The following CNBD1 variants were observed in gnomAD, a reference collection of about 807,000 sequenced individuals.
CNBD1 encodes cyclic nucleotide-binding domain-containing protein 1.
CNBD1 carries 71 observed loss-of-function variants against 54.4 expected under a neutral mutation model. That is an observed-to-expected ratio of 1.30 (90% CI 1.08 to 1.59). The LOEUF (loss-of-function observed/expected upper bound fraction) is 1.59. Ranked by LOEUF, CNBD1 falls within the 40% of genes most tolerant of loss-of-function variation. The pLI, the probability that CNBD1 is intolerant of heterozygous loss-of-function variation, is 0.00. For synonymous variants in CNBD1, 182 were observed against 170.7 expected (o/e 1.07, Z -0.51); for missense variants, 659 against 518.0 (o/e 1.27, Z -2.64).
chr8:87,206,308 C>T (rs1266694509), intron 5 of CNBD1, among the ~76,000 whole-genome samples, 170 bp downstream of exon 5: 1 of 152,118 alleles, frequency 6.6e-6, no homozygotes, highest in Non-Finnish European at 1.5e-5. Flanking sequence ...AAATGAATAA[C>T]ATCTCACATT....
intron 6 of CNBD1, among the ~76,000 whole-genome samples, chr8:87,238,131 C>T (rs1273739936): frequency 6.7e-6 from 1 of 148,340 alleles, no homozygotes; most frequent in Non-Finnish European, 1.5e-5. Flanking sequence ...ACCAGATCTG[C>T]ATTCTGCTTT....
chr8:86,955,456 A>G (rs1432102972), intron 4 of CNBD1, among the ~76,000 whole-genome samples: 2 of 152,210 alleles, frequency 1.3e-5, no homozygotes, highest in East Asian at 3.9e-4. Flanking sequence ...CCAACAGTGT[A>G]AAAGTGTTCC....
intron 8 of CNBD1, among the ~76,000 whole-genome samples, chr8:87,337,711 G>C (rs1563559170): frequency 6.6e-6 from 1 of 152,212 alleles, no homozygotes; most frequent in Non-Finnish European, 1.5e-5. Context: ...GGCTGGGGGT[G>C]GGGGCTCTCA....
intron 4 of CNBD1, among the ~76,000 whole-genome samples, chr8:87,130,423 G>T (rs576369430): frequency 6.6e-6 from 1 of 152,180 alleles, no homozygotes; most frequent in African/African-American, 2.4e-5. Flanking sequence ...AAGTCATAGT[G>T]GATAATAATG....
intron 10 of CNBD1, among the ~76,000 whole-genome samples, chr8:87,366,503 G>A (rs947289375): frequency 2.5e-4 from 38 of 151,968 alleles, no homozygotes; most frequent in African/African-American, 8.7e-4. Flanking sequence ...AAAACTCTTT[G>A]TGTTTAAACA....
At chr8:87,407,774 T>C (rs1807675204) in intron 2 of CNBD1, among the ~76,000 whole-genome samples, 2 of 152,158 alleles carry the variant, frequency 1.3e-5, no homozygotes, top group East Asian at 3.9e-4. Flanking sequence ...TTAAAATACA[T>C]GTATTTGTAT....
intron 4 of CNBD1, among the ~76,000 whole-genome samples, chr8:87,051,016 T>C (rs1054640959): frequency 6.6e-6 from 1 of 152,182 alleles, no homozygotes; most frequent in Non-Finnish European, 1.5e-5. Flanking sequence ...TTAATATTGG[T>C]TTCCACTAAG....
At chr8:87,142,691 AT>A (rs1323066067) in intron 4 of CNBD1, among the ~76,000 whole-genome samples, 13 of 152,128 alleles carry the variant, frequency 8.5e-5, no homozygotes, top group African/African-American at 3.1e-4. Context: ...TCAGTTTGTG[AT>A]ATCTTACTTT....
intron 4 of CNBD1, among the ~76,000 whole-genome samples, chr8:87,101,676 G>A (rs1225173942): frequency 6.6e-6 from 1 of 152,002 alleles, no homozygotes; most frequent in Non-Finnish European, 1.5e-5. Flanking sequence ...GACAACTGCA[G>A]AATTGACAGT....
chr8:87,278,591 A>G (rs918060677), intron 6 of CNBD1, among the ~76,000 whole-genome samples: 4 of 151,592 alleles, frequency 2.6e-5, no homozygotes, highest in Non-Finnish European at 4.4e-5. Context: ...AGGCAAAATA[A>G]CGTTGTATTC....
At chr8:87,229,030 C>A (rs1322170444) in intron 5 of CNBD1, among the ~76,000 whole-genome samples, 1 of 152,202 alleles carries the variant, frequency 6.6e-6, no homozygotes, top group Non-Finnish European at 1.5e-5. Context: ...GGTCCCTCAC[C>A]CCTTTCTTTG....
At position 86,880,340 on chromosome 8, in the gene CNBD1, T is replaced by TAA. The variant is rs144555916; in HGVS notation, c.89-7194_89-7193dup. ...TTGGGATCGAACATATTAGAAAAAA[T>TAA]AAAAAAAAACGTAATACTACAATAA... On this transcript the variant is annotated intron_variant, in intron 1 of 10. Coordinates refer to ENST00000518476, the MANE Select transcript of CNBD1 (RefSeq NM_173538.3). Among the ~76,000 whole-genome samples, 1,179 of 150,262 alleles carry TAA rather than the reference T, an allele frequency of 7.8e-3. 18 individuals carry two copies. The highest frequency in any genetic ancestry group is 0.027 in the African/African-American group (1,090 of 40,838).
chr8:87,248,759 C>G lies in CNBD1; in HGVS notation c.771+11647C>G, dbSNP rs968469363. On this transcript the variant is annotated intron_variant, in intron 6 of 10. Transcript: ENST00000518476. ...TTGATGTCCCCTCATTGGGTCTTTC[C>G]CCCTTTTCAAAGAAATCTTCCAGTG... Among the ~76,000 whole-genome samples, 33 of 152,122 alleles carry G rather than the reference C, an allele frequency of 2.2e-4. 1 individual carries two copies. Among genetic ancestry groups the G allele is most frequent in the Non-Finnish European group, 8.8e-5 (6 of 68,024 alleles).
At chr8:87,299,234 A>T (rs1464089758) in intron 8 of CNBD1, among the ~76,000 whole-genome samples, 2 of 152,110 alleles carry the variant, frequency 1.3e-5, no homozygotes, top group African/African-American at 2.4e-5. Flanking sequence ...TTTGCTTTTG[A>T]GAGTCTCAGG....
At chr8:87,184,317 C>T (rs1813428373) in intron 4 of CNBD1, among the ~76,000 whole-genome samples, 1 of 152,138 alleles carries the variant, frequency 6.6e-6, no homozygotes, top group South Asian at 2.1e-4. Flanking sequence ...CCTTGGAAGA[C>T]ACCAGCAGAC....
At chr8:87,248,308 C>T (rs984736263) in intron 6 of CNBD1, among the ~76,000 whole-genome samples, 3 of 152,166 alleles carry the variant, frequency 2.0e-5, no homozygotes, top group Admixed American at 1.3e-4. Flanking sequence ...CTTATGCCAC[C>T]TTTTAAACTG....
intron 2 of CNBD1, among the ~76,000 whole-genome samples, chr8:87,401,808 G>T (rs1336010952): frequency 1.3e-5 from 2 of 151,984 alleles, no homozygotes; most frequent in South Asian, 2.1e-4. Flanking sequence ...TATCAATTAT[G>T]CTTTTCCACA....
chr8:86,939,523 A>G (rs2130424828), intron 3 of CNBD1, 73 bp from the exon 4 acceptor site: 1 of 1,061,542 alleles, frequency 9.4e-7, no homozygotes, highest in Non-Finnish European at 1.3e-6. Context: ...TACTCCTGCA[A>G]TATAGTAAAA....
intron 3 of CNBD1, among the ~76,000 whole-genome samples, chr8:86,938,920 A>G (rs1809599598): frequency 1.3e-5 from 2 of 152,314 alleles, no homozygotes; most frequent in Admixed American, 6.5e-5. Flanking sequence ...CTATGTATAT[A>G]ATTAAAGGTC....
Sources: gnomAD v4.1 joint callset for allele counts (sites outside exome capture counted in the v4.1 genomes callset) on GRCh38, gnomAD v4.1.1 for gene constraint, MANE v1.5 for transcripts, NCBI Gene and HGNC (gene_info 2026-07-23, HGNC 2026-07-21) for gene names.